GABRA3: variants seen among roughly 807,000 people sequenced by gnomAD.
The protein encoded by GABRA3 is gamma-aminobutyric acid type A receptor subunit alpha3, also known as gamma-aminobutyric acid receptor subunit alpha-3.
GABRA3 carries 10 observed loss-of-function variants against 30.1 expected under a neutral mutation model. That is an observed-to-expected ratio of 0.33 (90% CI 0.20 to 0.56). The LOEUF is 0.56. GABRA3 is among the 20% of genes least tolerant of loss of function. The pLI is 0.89. For synonymous variants in GABRA3, 151 were observed against 146.8 expected (o/e 1.03, Z -0.21); for missense variants, 233 against 392.0 (o/e 0.59, Z 3.42).
At chrX:152,432,939 A>AT (rs1930683373) in intron 1 of GABRA3, among the ~76,000 whole-genome samples, 1 of 110,968 alleles carries the variant, frequency 9.0e-6, no homozygotes, top group African/African-American at 3.3e-5. Flanking sequence ...ATAACCTATC[A>AT]GTGCAATTCA....
At chrX:152,278,503 C>G (rs188946812) in intron 4 of GABRA3, among the ~76,000 whole-genome samples, 255 of 111,832 alleles carry the variant, frequency 2.3e-3, no homozygotes, top group African/African-American at 7.5e-3. Context: ...TTAATCCAGT[C>G]TATCATTGAT....
intron 1 of GABRA3, among the ~76,000 whole-genome samples, chrX:152,370,245 C>T (rs1928798815): frequency 8.9e-6 from 1 of 111,920 alleles, no homozygotes; most frequent in African/African-American, 3.2e-5. Context: ...TTCTTTATTT[C>T]AGTACCTAGA....
chrX:152,336,910 A>G (rs1940242978), intron 3 of GABRA3, among the ~76,000 whole-genome samples: 1 of 111,597 alleles, frequency 9.0e-6, no homozygotes, highest in African/African-American at 3.3e-5. Context: ...TCAGAGTCAT[A>G]GATGTCTTCT....
intron 6 of GABRA3, among the ~76,000 whole-genome samples, chrX:152,223,673 T>A (rs1397065857): frequency 9.1e-6 from 1 of 109,395 alleles, no homozygotes; most frequent in Non-Finnish European, 1.9e-5. Context: ...TATGCATTGA[T>A]AAGCTCTCTA....
intron 1 of GABRA3, among the ~76,000 whole-genome samples, chrX:152,405,258 C>T (rs920368744): frequency 7.6e-5 from 7 of 91,858 alleles, no homozygotes; most frequent in African/African-American, 1.3e-4. Context: ...GCTGGTGCCA[C>T]GGTGCATCTA....
chrX:152,252,463 T>C (rs1938572392), intron 5 of GABRA3, among the ~76,000 whole-genome samples: 1 of 111,303 alleles, frequency 9.0e-6, no homozygotes, highest in South Asian at 3.8e-4. Flanking sequence ...ACGTCGTGTC[T>C]CAGTTTTTTT....
intron 4 of GABRA3, among the ~76,000 whole-genome samples, chrX:152,279,800 G>A (rs923852571): frequency 4.5e-5 from 5 of 111,357 alleles, no homozygotes; most frequent in African/African-American, 1.6e-4. Context: ...GAAGTGGTTT[G>A]TAGTTCTCCT....
chrX:152,338,662 A>G (rs1037813518), intron 3 of GABRA3, among the ~76,000 whole-genome samples: 22 of 112,195 alleles, frequency 2.0e-4, no homozygotes, highest in African/African-American at 6.5e-4. Flanking sequence ...TTTATAGTTC[A>G]GGTTTTAGAT....
chrX:152,402,912 C>T (rs1206375097), intron 1 of GABRA3, among the ~76,000 whole-genome samples: 1 of 111,474 alleles, frequency 9.0e-6, no homozygotes, highest in African/African-American at 3.3e-5. Context: ...AAGAAGCCAA[C>T]CATAATTTGA....
intron 1 of GABRA3, among the ~76,000 whole-genome samples, chrX:152,413,994 C>G (rs1930142286): frequency 9.0e-6 from 1 of 110,913 alleles, no homozygotes; most frequent in South Asian, 3.7e-4. Context: ...TAGCAACAGA[C>G]TTACAAAGCA....
intron 3 of GABRA3, among the ~76,000 whole-genome samples, chrX:152,320,891 T>A (rs1190366678): frequency 4.5e-5 from 5 of 111,796 alleles, no homozygotes; most frequent in Non-Finnish European, 9.4e-5. Flanking sequence ...GCTTTGTTAT[T>A]CTTCCTCCCC....
chrX:152,176,503 T>A (rs781750284), intron 9 of GABRA3, among the ~76,000 whole-genome samples: 61 of 110,889 alleles, frequency 5.5e-4, no homozygotes, highest in African/African-American at 1.9e-3. Context: ...TGAGTTAGGT[T>A]TGGGTTGTCT....
intron 6 of GABRA3, among the ~76,000 whole-genome samples, chrX:152,209,519 C>T (rs1033079487): frequency 4.5e-5 from 5 of 111,452 alleles, no homozygotes; most frequent in African/African-American, 1.6e-4. Context: ...ATGGTGGCAA[C>T]TACTATACCC....
In GABRA3 at chrX:152,368,609, T is replaced by C. The variant is rs142129574; in HGVS notation, c.-26-4013A>G. On this transcript the variant is annotated intron_variant, in intron 1 of 9. Transcript: ENST00000370314. ...AACGCTGCATTAACATGGAAGTGCA[T>C]ATATCTCTTCAACATACTAATTTAA... is the stretch of plus-strand genomic sequence containing the variant. 9.0e-4 allele frequency among the ~76,000 whole-genome samples: 100 copies of C among 111,087 alleles called. 2 individuals carry two copies. In the East Asian group the frequency reaches 0.026, roughly 29 times the overall value.
chrX:152,360,830 T>C (rs193220780), intron 2 of GABRA3, among the ~76,000 whole-genome samples: 1,058 of 104,406 alleles, frequency 0.01, 6 homozygotes, highest in Non-Finnish European at 0.014. Context: ...ACCAACACTT[T>C]GGGAGGTCAA....
At chrX:152,293,634 A>G (rs1318282354) in intron 3 of GABRA3, among the ~76,000 whole-genome samples, 3 of 111,951 alleles carry the variant, frequency 2.7e-5, no homozygotes, top group Non-Finnish European at 5.6e-5. Flanking sequence ...TATTGTTAAC[A>G]AACAATAGTT....
intron 2 of GABRA3, among the ~76,000 whole-genome samples, chrX:152,349,250 C>T (rs930461047): frequency 1.8e-5 from 2 of 110,315 alleles, no homozygotes; most frequent in African/African-American, 6.6e-5. Context: ...AGTTTTTTCA[C>T]GAGATTGCAG....
chrX:152,295,872 C>A (rs1420277207), intron 3 of GABRA3, among the ~76,000 whole-genome samples: 1 of 112,330 alleles, frequency 8.9e-6, no homozygotes, highest in Non-Finnish European at 1.9e-5. Context: ...TTTGAGCACC[C>A]TCACTGTACC....
intron 1 of GABRA3, among the ~76,000 whole-genome samples, chrX:152,401,231 TTC>T (rs1229713634): frequency 9.4e-6 from 1 of 106,450 alleles, no homozygotes; most frequent in Non-Finnish European, 1.9e-5. Flanking sequence ...AGGATAATAG[TTC>T]TTTCTTTTGG....
Sources: gnomAD v4.1 joint callset for allele counts (sites outside exome capture counted in the v4.1 genomes callset) on GRCh38, gnomAD v4.1.1 for gene constraint, MANE v1.5 for transcripts, NCBI Gene and HGNC (gene_info 2026-07-23, HGNC 2026-07-21) for gene names.